Variants in TBXAS1 observed in about 807,000 individuals in gnomAD.
TBXAS1 encodes the protein thromboxane-A synthase.
In TBXAS1, 48 loss-of-function variants were observed where a neutral mutation model predicts 60.7. The ratio of observed to expected loss-of-function variants is 0.79; its 90% CI spans 0.63 to 1.01. The LOEUF is 1.01. Among genes scored for constraint, TBXAS1 ranks in the 50% least tolerant of loss-of-function variants. The pLI is 0.00. For missense variants in TBXAS1, 685 were observed against 686.3 expected, an observed-to-expected ratio of 1.00 and a Z score of 0.02; for synonymous variants, 287 against 269.7, an observed-to-expected ratio of 1.06 and a Z score of -0.63.
intron 4 of TBXAS1, among the ~76,000 whole-genome samples, chr7:139,929,259 G>A (rs910572187): frequency 9.2e-5 from 14 of 152,202 alleles, no homozygotes; most frequent in East Asian, 1.9e-4. Context: ...AATGGTGAGC[G>A]CACACTTGGA....
intron 12 of TBXAS1, among the ~76,000 whole-genome samples, chr7:140,019,782 C>G (rs1481246739): frequency 6.6e-6 from 1 of 152,210 alleles, no homozygotes; most frequent in East Asian, 1.9e-4. Context: ...CATGAAGCTG[C>G]TTTCCCCAGA....
At chr7:139,909,083 G>C (rs1805319698) in intron 3 of TBXAS1, among the ~76,000 whole-genome samples, 1 of 152,002 alleles carries the variant, frequency 6.6e-6, no homozygotes, top group Non-Finnish European at 1.5e-5. Context: ...TTTCTCTCTG[G>C]CTGTTTTCAA....
chr7:139,926,554 TTTTG>T (rs951473055), intron 4 of TBXAS1, among the ~76,000 whole-genome samples: 12 of 152,150 alleles, frequency 7.9e-5, no homozygotes, highest in Non-Finnish European at 1.3e-4. Flanking sequence ...GGTTTGTCAA[TTTTG>T]TTTATCTTTT....
At chr7:139,952,554 G>A (rs1470082880) in intron 5 of TBXAS1, 1 of 1,536,620 alleles carries the variant, frequency 6.5e-7, no homozygotes, top group Non-Finnish European at 8.7e-7. Flanking sequence ...TTTTCAGCTT[G>A]GCCTTTTAAT....
intron 9 of TBXAS1, among the ~76,000 whole-genome samples, chr7:139,981,847 G>C (rs1222660248): frequency 2.6e-5 from 4 of 152,186 alleles, no homozygotes; most frequent in Non-Finnish European, 5.9e-5. Flanking sequence ...CCAAAATGCA[G>C]AGAAAACTCT....
At chr7:139,957,821 A>T in intron 8 of TBXAS1, 57 bp downstream of exon 8, 1 of 1,611,002 alleles carries the variant, frequency 6.2e-7, no homozygotes, top group Non-Finnish European at 8.5e-7. Context: ...CTTTGGCATC[A>T]CTGTCTCTGC....
intron 9 of TBXAS1, among the ~76,000 whole-genome samples, chr7:140,006,331 G>A (rs978337819): frequency 4.6e-5 from 7 of 152,152 alleles, no homozygotes; most frequent in Non-Finnish European, 8.8e-5. Flanking sequence ...GGCCAAAGAT[G>A]GGGAGCCAGG....
At chr7:140,016,124 C>G (rs12703491) in intron 11 of TBXAS1, among the ~76,000 whole-genome samples, 19,229 of 151,996 alleles carry the variant, frequency 0.13, 1,295 homozygotes, top group Non-Finnish European at 0.16. Context: ...GTCAGGAGAT[C>G]GAGACCATCC....
intron 1 of TBXAS1, among the ~76,000 whole-genome samples, chr7:139,780,502 A>T (rs182091006): frequency 2.3e-4 from 34 of 150,686 alleles, no homozygotes; most frequent in Middle Eastern, 3.4e-3. Context: ...CTGCACACAT[A>T]TTTGTTGAAT....
chr7:139,950,037 A>ATTTTTTTTTTTTTTTTTTTTTTTTTT (rs3082651), intron 5 of TBXAS1, among the ~76,000 whole-genome samples: 1 of 103,544 alleles, frequency 9.7e-6, no homozygotes. Context: ...AGGTGATGGG[A>ATTTTTTTTTTTTTTTTTTTTTTTTTT]TTTTTTTTTT....
intron 4 of TBXAS1, among the ~76,000 whole-genome samples, chr7:139,800,375 T>C (rs908713103): frequency 3.9e-5 from 6 of 152,244 alleles, no homozygotes; most frequent in African/African-American, 1.4e-4. Flanking sequence ...TTTCCACCTC[T>C]GGCCAGGCTC....
At chr7:140,006,342 G>A (rs1814075826) in intron 9 of TBXAS1, among the ~76,000 whole-genome samples, 2 of 152,136 alleles carry the variant, frequency 1.3e-5, no homozygotes, top group South Asian at 4.1e-4. Flanking sequence ...GGGAGCCAGG[G>A]AGTGACAGAC....
intron 4 of TBXAS1, among the ~76,000 whole-genome samples, chr7:139,808,071 C>T (rs147957550): frequency 1.2e-3 from 180 of 152,162 alleles, no homozygotes; most frequent in African/African-American, 4.2e-3. Flanking sequence ...GTAGCTTATA[C>T]CTGTAATCCC....
intron 4 of TBXAS1, among the ~76,000 whole-genome samples, chr7:139,817,378 T>C (rs1336732652): frequency 6.6e-6 from 1 of 152,160 alleles, no homozygotes; most frequent in Non-Finnish European, 1.5e-5. Flanking sequence ...GCCTGTCCTG[T>C]GGGCAAAGTC....
intron 4 of TBXAS1, among the ~76,000 whole-genome samples, chr7:139,927,805 C>T (rs1397889699): frequency 6.6e-6 from 1 of 151,848 alleles, no homozygotes; most frequent in Non-Finnish European, 1.5e-5. Flanking sequence ...TTTCATTTTT[C>T]AGTAGTTTGT....
intron 4 of TBXAS1, among the ~76,000 whole-genome samples, chr7:139,933,331 CTAAT>C (rs2117174262): frequency 6.6e-6 from 1 of 152,320 alleles, no homozygotes; most frequent in South Asian, 2.1e-4. Context: ...ACTCTTATCT[CTAAT>C]TTATTCTGTC....
At chr7:139,880,060 T>C (rs962178250) in intron 3 of TBXAS1, among the ~76,000 whole-genome samples, 6 of 152,136 alleles carry the variant, frequency 3.9e-5, no homozygotes, top group Admixed American at 1.3e-4. Flanking sequence ...ATTTTTGTAT[T>C]TTTGGTAAAG....
intron 5 of TBXAS1, among the ~76,000 whole-genome samples, chr7:139,941,277 T>G (rs1808267222): frequency 6.6e-6 from 1 of 152,216 alleles, no homozygotes; most frequent in African/African-American, 2.4e-5. Flanking sequence ...TAAGTCCCTC[T>G]CTACCTGTGT....
chr7:140,018,382 ACACT>A (rs1012648489), intron 12 of TBXAS1, among the ~76,000 whole-genome samples: 7 of 152,124 alleles, frequency 4.6e-5, no homozygotes, highest in African/African-American at 9.6e-5. Flanking sequence ...CCTTGTGCAG[ACACT>A]CACGTGTCCC....
Sources: allele counts gnomAD v4.1 joint callset (sites outside exome capture counted in the v4.1 genomes callset), GRCh38; gene constraint gnomAD v4.1.1; transcripts MANE v1.5; gene names NCBI Gene and HGNC (gene_info 2026-07-23, HGNC 2026-07-21).